Variants in MAP3K10 observed in about 807,000 individuals in gnomAD.
MAP3K10 encodes mitogen-activated protein kinase kinase kinase 10, also known as MKN28 derived nonreceptor_type serine/threonine kinase.
Under a neutral mutation model 75.0 loss-of-function variants are expected in MAP3K10, and 22 were observed. The ratio of observed to expected loss-of-function variants is 0.29; its 90% CI spans 0.21 to 0.42. The LOEUF is 0.42. Ranked by LOEUF, MAP3K10 falls within the 10% of genes least tolerant of loss-of-function variation. The probability of loss-of-function intolerance (pLI) is 1.00; values close to 1 mark genes in which losing one functional copy is unlikely to be tolerated. For missense variants in MAP3K10, 1,165 were observed against 1,379.8 expected (o/e 0.84, Z 2.47); for synonymous variants, 599 against 612.9 (o/e 0.98, Z 0.34).
In MAP3K10 at chr19:40,192,944, A is replaced by G. The variant is rs1035180077; in HGVS notation, c.682+231A>G. Among the ~76,000 whole-genome samples, 4 of 152,186 alleles carry G rather than the reference A, an allele frequency of 2.6e-5. No individual in the cohort carries two copies. The highest frequency in any genetic ancestry group is 7.2e-5 in the African/African-American group (3 of 41,448). On this transcript the variant is annotated intron_variant, in intron 1 of 9. Coordinates refer to ENST00000253055, the MANE Select transcript of MAP3K10 (RefSeq NM_002446.4). This position sits in a 1 kb window ranked among gnomAD's most constrained non-coding sequence, Gnocchi z 7.1. Reference sequence around the variant, plus strand: ...CTGCCTCCCAGGCTGCAGAGTCACAATCGCTCAGTAAACATGTATCCATGA... The same window carrying G: ...CTGCCTCCCAGGCTGCAGAGTCACAGTCGCTCAGTAAACATGTATCCATGA...
At chr19:40,203,691 G>C (rs1267324473) in intron 2 of MAP3K10, among the ~76,000 whole-genome samples, 1 of 152,226 alleles carries the variant, frequency 6.6e-6, no homozygotes, top group Non-Finnish European at 1.5e-5. Flanking sequence ...GAGGATTACC[G>C]AGTGCCTAGC....
In MAP3K10 at chr19:40,205,833, G is replaced by T; in HGVS notation, c.1189-78G>T. On this transcript the variant is annotated intron_variant, in intron 4 of 9. Coordinates refer to ENST00000253055, the MANE Select transcript of MAP3K10 (RefSeq NM_002446.4). The surrounding 1 kb of genome is among the most constrained non-coding windows in gnomAD (Gnocchi z 4.3). Reference sequence around the variant, plus strand: ...GTACCCTTGTGTGAGGCACCAACCAGACGCAGCAGCCCTGGGTCCCTCCCC... The same window carrying T: ...GTACCCTTGTGTGAGGCACCAACCATACGCAGCAGCCCTGGGTCCCTCCCC... 7.1e-7 allele frequency: 1 copy of T among 1,411,144 alleles called. No individual in the cohort carries two copies. The highest frequency in any genetic ancestry group is 1.5e-5 in the South Asian group (1 of 66,926). The allele number at this position is 1,411,144 out of a possible 1,614,324, so 87.4% of individuals were successfully genotyped here.
intron 1 of MAP3K10, among the ~76,000 whole-genome samples, chr19:40,193,655 T>C (rs1429403297): frequency 2.0e-5 from 3 of 152,186 alleles, no homozygotes; most frequent in Non-Finnish European, 4.4e-5. Flanking sequence ...TGCCAGACCC[T>C]GTCCCAGGGA....
At position 40,204,320 on chromosome 19, in the gene MAP3K10, A is replaced by AT. The variant is rs1973075713; in HGVS notation, c.864-163dup. Among the ~76,000 whole-genome samples, 1 of 152,172 alleles carries AT rather than the reference A, an allele frequency of 6.6e-6. No homozygotes were observed. The highest frequency in any genetic ancestry group is 1.5e-5 in the Non-Finnish European group (1 of 68,032). On this transcript the variant is annotated intron_variant, in intron 2 of 9. Transcript: ENST00000253055. This position sits in a 1 kb window ranked among gnomAD's most constrained non-coding sequence, Gnocchi z 4.3. ...TCAGAGAGCCAAACCCACCCCATCT[A>AT]TTGGAGAACAAGGCCATGGAGGTCA...
rs199800639 is a variant in MAP3K10 at position 40,215,015 on chromosome 19, C to T, written c.2588C>T (p.Ala863Val). 5.6e-6 allele frequency: 9 copies of T among 1,600,058 alleles called. No homozygotes were observed. Among genetic ancestry groups the T allele is most frequent in the Non-Finnish European group, 5.1e-6 (6 of 1,172,202 alleles). ...TTCCCCCGCCTGCCCGACCCCCAGG[C>T]CCTGTTCCCAGCCCGCCGCCGGCCC... ...LDFPRLPDPQALFPARRRPPE... is the reference protein window; with the variant it reads ...LDFPRLPDPQVLFPARRRPPE... The change falls in exon 10 of 10, where the codon GCC becomes GTC. Residue 863 changes from alanine to valine, a missense_variant. By Grantham distance (64) the Ala-to-Val change is moderately conservative. Coordinates refer to ENST00000253055, the MANE Select transcript of MAP3K10 (RefSeq NM_002446.4).
chr19:40,208,432 G>A (rs575936037), intron 5 of MAP3K10, among the ~76,000 whole-genome samples: 17 of 140,768 alleles, frequency 1.2e-4, no homozygotes, highest in African/African-American at 4.2e-4. Context: ...TCCTGACCTC[G>A]TGATCCGCCT....
chr19:40,194,784 T>C (rs1463821841), intron 1 of MAP3K10, among the ~76,000 whole-genome samples: 2 of 152,120 alleles, frequency 1.3e-5, no homozygotes, highest in Non-Finnish European at 2.9e-5. Flanking sequence ...CTGCCTCAGC[T>C]CTGGGATTAC....
At chr19:40,214,948 T>A in intron 9 of MAP3K10, 22 bp from the exon 10 acceptor site, 4 of 1,263,250 alleles carry the variant, frequency 3.2e-6, no homozygotes, top group Non-Finnish European at 4.5e-6. Context: ...CCCACTCACC[T>A]CCTCTGAACC....
Position 40,213,738 on chromosome 19 carries a change from C to A in MAP3K10, c.2059C>A (p.Leu687Met), listed in dbSNP as rs1352675268. Reference sequence around the variant, plus strand: ...CGCCACGCTGCTGGGGGCTGTGGGCCTGGGCGCCGACGTGGCCGAGGCGCG... The same window carrying A: ...CGCCACGCTGCTGGGGGCTGTGGGCATGGGCGCCGACGTGGCCGAGGCGCG... ...GCATLLGAVGLGADVAEARAA... is the reference protein window; with the variant it reads ...GCATLLGAVGMGADVAEARAA... Residue 687 changes from leucine to methionine, a missense_variant, in exon 9 of 10, where the codon CTG becomes ATG. By Grantham distance (15) the Leu-to-Met change is conservative. Around this residue, in one of 2 missense-constraint regions of MAP3K10, gnomAD observed 590 missense variants for 586.6 expected, o/e 1.01. Coordinates refer to ENST00000253055, the MANE Select transcript of MAP3K10 (RefSeq NM_002446.4). The surrounding 1 kb of genome is among the most constrained non-coding windows in gnomAD (Gnocchi z 5.7). 3 of 1,082,114 alleles carry A rather than the reference C, an allele frequency of 2.8e-6. No homozygotes were observed. Among genetic ancestry groups the A allele is most frequent in the Non-Finnish European group, 3.4e-6 (3 of 891,008 alleles). The allele number at this position is 1,082,114 out of a possible 1,614,324, so 67.0% of individuals were successfully genotyped here. A position where few individuals can be genotyped will look rare whatever the true frequency, so the allele number is the denominator to read the frequency against.
rs549641609 is a variant in MAP3K10, at chr19:40,193,844, C to T, written c.682+1131C>T. On this transcript the variant is annotated intron_variant, in intron 1 of 9. Coordinates refer to ENST00000253055, the MANE Select transcript of MAP3K10 (RefSeq NM_002446.4). ...AAGGCCAGCATGTCCCCGGCCCTCA[C>T]GTCACTCACAGTTAAGCCCCAAAAT... 7.2e-5 allele frequency among the ~76,000 whole-genome samples: 11 copies of T among 152,320 alleles called. No individual in the cohort carries two copies. In the South Asian group the frequency reaches 2.1e-3, roughly 29 times the overall value.
In MAP3K10 at chr19:40,215,143, C is replaced by A; in HGVS notation, c.2716C>A (p.Arg906=). 2 of 1,609,808 alleles carry A rather than the reference C, an allele frequency of 1.2e-6. No homozygotes were observed. The highest frequency in any genetic ancestry group is 1.7e-6 in the Non-Finnish European group (2 of 1,178,550). Reference sequence around the variant, plus strand: ...CCCCTGGAAACTGGTCTCCTTCGGCCGGACACTCACCATCTCGCCTCCCAG... The same window carrying A: ...CCCCTGGAAACTGGTCTCCTTCGGCAGGACACTCACCATCTCGCCTCCCAG... ...LDPWKLVSFG[R]TLTISPPSRP... is the part of the protein sequence containing the mutation. The change falls in exon 10 of 10, where the codon CGG becomes AGG. Residue 906 remains arginine (R), a synonymous_variant. Transcript: ENST00000253055.
intron 5 of MAP3K10, among the ~76,000 whole-genome samples, chr19:40,208,363 T>TTTTTTTTTTTA (rs1555756664): frequency 8.9e-6 from 1 of 111,892 alleles, no homozygotes; most frequent in Non-Finnish European, 1.8e-5. Flanking sequence ...TTTTTTTTTT[T>TTTTTTTTTTTA]TTTTTTGTAT....
Position 40,204,370 on chromosome 19 carries a change from G to T in MAP3K10, c.864-115G>T, listed in dbSNP as rs1973076478. 8.3e-6 allele frequency: 10 copies of T among 1,201,734 alleles called. No individual in the cohort carries two copies. Among genetic ancestry groups the T allele is most frequent in the Non-Finnish European group, 1.1e-5 (10 of 878,864 alleles). The allele number at this position is 1,201,734 out of a possible 1,614,324, so 74.4% of individuals were successfully genotyped here. ...AAAGCAAGTTCTTGTGACCTCATTGGCCGGGGGTGGCTGTTGGGGTGAGGG... is the reference window on the plus strand; with the variant it reads ...AAAGCAAGTTCTTGTGACCTCATTGTCCGGGGGTGGCTGTTGGGGTGAGGG... On this transcript the variant is annotated intron_variant, in intron 2 of 9. Coordinates refer to ENST00000253055, the MANE Select transcript of MAP3K10 (RefSeq NM_002446.4). This position sits in a 1 kb window ranked among gnomAD's most constrained non-coding sequence, Gnocchi z 4.3.
rs1335947999 is a variant in MAP3K10, at chr19:40,198,885, T to C, written c.863+330T>C. 2.0e-5 allele frequency among the ~76,000 whole-genome samples: 3 copies of C among 152,196 alleles called. No individual in the cohort carries two copies. Among genetic ancestry groups the C allele is most frequent in the Non-Finnish European group, 4.4e-5 (3 of 68,026 alleles). ...GAGTTTGAGACCAGCCTGACCAACA[T>C]GGTGAAACCCCATCTCTACTAAAAA... On this transcript the variant is annotated intron_variant, in intron 2 of 9. Transcript: ENST00000253055. This position sits in a 1 kb window ranked among gnomAD's most constrained non-coding sequence, Gnocchi z 4.3.
chr19:40,214,184 G>A lies in MAP3K10; in HGVS notation c.2505G>A (p.Gly835=). 2 of 1,462,126 alleles carry A rather than the reference G, an allele frequency of 1.4e-6. No homozygotes were observed. Among genetic ancestry groups the A allele is most frequent in the South Asian group, 1.4e-5 (1 of 73,186 alleles). The allele number at this position is 1,462,126 out of a possible 1,614,324, so 90.6% of individuals were successfully genotyped here. A position where few individuals can be genotyped will look rare whatever the true frequency, so the allele number is the denominator to read the frequency against. The change falls in exon 9 of 10, where the codon GGG becomes GGA. Residue 835 remains glycine, a synonymous_variant. Coordinates refer to ENST00000253055, the MANE Select transcript of MAP3K10 (RefSeq NM_002446.4). ...HRRTPSDGAL[G]QRGPPEPAGH... is the part of the protein sequence containing the mutation. ...GGACGCCATCGGACGGGGCGCTGGG[G>A]CAGCGGGGGCCGCCCGAGCCCGCGG...
chr19:40,198,876 T>C lies in MAP3K10; in HGVS notation c.863+321T>C, dbSNP rs1972966196. On this transcript the variant is annotated intron_variant, in intron 2 of 9. Transcript: ENST00000253055. This position sits in a 1 kb window ranked among gnomAD's most constrained non-coding sequence, Gnocchi z 4.3. ...TGAGGTCAGGAGTTTGAGACCAGCC[T>C]GACCAACATGGTGAAACCCCATCTC... Among the ~76,000 whole-genome samples the C allele has an allele frequency of 6.6e-6, 1 of 152,238 alleles. No individual in the cohort carries two copies. The highest frequency in any genetic ancestry group is 6.5e-5 in the Admixed American group (1 of 15,280).
intron 9 of MAP3K10, among the ~76,000 whole-genome samples, 154 bp downstream of exon 9, chr19:40,214,375 G>A (rs532210313): frequency 6.6e-6 from 1 of 152,256 alleles, no homozygotes; most frequent in South Asian, 2.1e-4. Flanking sequence ...CTCACTCCTG[G>A]AGGCATCGGG....
chr19:40,195,950 G>T (rs989116191), intron 1 of MAP3K10, among the ~76,000 whole-genome samples: 2 of 152,194 alleles, frequency 1.3e-5, no homozygotes, highest in African/African-American at 4.8e-5. Flanking sequence ...GCCAGGAATG[G>T]CAAAAAGAAA....
intron 2 of MAP3K10, among the ~76,000 whole-genome samples, chr19:40,200,612 CTTT>C (rs71171548): frequency 2.5e-5 from 2 of 79,948 alleles, no homozygotes; most frequent in Non-Finnish European, 4.8e-5. Flanking sequence ...TTTGTGCTAC[CTTT>C]TTTTTTTTTT....
Sources: allele counts gnomAD v4.1 joint callset (sites outside exome capture counted in the v4.1 genomes callset), GRCh38; gene constraint gnomAD v4.1.1; regional missense constraint gnomAD v4.1.1; non-coding constraint Gnocchi (gnomAD v3.1); transcripts MANE v1.5; gene names NCBI Gene and HGNC (gene_info 2026-07-23, HGNC 2026-07-21).